GOLGB1: variants seen among roughly 807,000 people sequenced by gnomAD.
The protein encoded by GOLGB1 is golgin subfamily B member 1.
A neutral mutation model predicts 336.9 loss-of-function variants in GOLGB1; 174 were observed. The ratio of observed to expected loss-of-function variants is 0.52; its 90% CI spans 0.46 to 0.59. The LOEUF is 0.59. Ranked by LOEUF, GOLGB1 falls within the 20% of genes least tolerant of loss-of-function variation. The pLI, the probability that GOLGB1 is intolerant of heterozygous loss-of-function variation, is 0.00. For missense variants in GOLGB1, 3,331 were observed against 3,645.3 expected, an observed-to-expected ratio of 0.91 and a Z score of 2.22; for synonymous variants, 1,208 against 1,289.2, an observed-to-expected ratio of 0.94 and a Z score of 1.35.
Position 121,689,864 on chromosome 3 carries a change from T to C in GOLGB1, c.8694+806A>G, listed in dbSNP as rs558900507. On this transcript the variant is annotated intron_variant, in intron 14 of 21. Transcript: ENST00000614479. ...CAAGCCAAGAGTGGTGGCTCATGCC[T>C]GTAATCCCAGCTACTTGGGCGGCTG... Among the ~76,000 whole-genome samples the C allele has an allele frequency of 2.6e-5, 4 of 152,342 alleles. No homozygotes were observed. The East Asian group carries it at 7.7e-4, about 29-fold the overall frequency.
At chr3:121,733,905 TG>T (rs1946294527) in intron 1 of GOLGB1, among the ~76,000 whole-genome samples, 1 of 152,182 alleles carries the variant, frequency 6.6e-6, no homozygotes, top group African/African-American at 2.4e-5. Context: ...TATCTCAAAA[TG>T]GATCAGAGAC....
At chr3:121,671,491 G>C (rs1428350755) in intron 17 of GOLGB1, among the ~76,000 whole-genome samples, 1 of 152,028 alleles carries the variant, frequency 6.6e-6, no homozygotes, top group Non-Finnish European at 1.5e-5. Flanking sequence ...CAACCTCCCA[G>C]ATACTTAAAA....
At chr3:121,716,678 T>C in intron 9 of GOLGB1, 59 bp downstream of exon 9, 1 of 1,332,106 alleles carries the variant, frequency 7.5e-7, no homozygotes, top group Non-Finnish European at 1.0e-6. Context: ...CCTGAAAATA[T>C]GAAATACAAG....
In GOLGB1 at chr3:121,696,765, A is replaced by G. The variant is rs1241324108; in HGVS notation, c.3758T>C (p.Leu1253Pro). Residue 1253 changes from leucine (L) to proline (P), a missense_variant, in exon 13 of 22, where the codon CTC becomes CCC. Transcript: ENST00000614479. Reference sequence around the variant, plus strand: ...CGATTCCTGCTGGTCTGTGCTTGGGAGTTTTCCGTCTATGGATTCCCTTAC... The same window carrying G: ...CGATTCCTGCTGGTCTGTGCTTGGGGGTTTTCCGTCTATGGATTCCCTTAC... ...IQVRESIDGK[L>P]PSTDQQESCS... 2 of 1,614,026 alleles carry G rather than the reference A, an allele frequency of 1.2e-6. No individual in the cohort carries two copies. Among genetic ancestry groups the G allele is most frequent in the South Asian group, 2.2e-5 (2 of 91,082 alleles).
chr3:121,669,099 T>A, intron 18 of GOLGB1, 113 bp downstream of exon 18: 1 of 1,028,352 alleles, frequency 9.7e-7, no homozygotes. Context: ...CTCTCCCACT[T>A]TCTTCCCTGA....
At chr3:121,666,018 T>C (rs962921577) in intron 20 of GOLGB1, among the ~76,000 whole-genome samples, 1 of 152,228 alleles carries the variant, frequency 6.6e-6, no homozygotes, top group East Asian at 1.9e-4. Context: ...GTGATAAGCT[T>C]TTCAGAAGCA....
intron 5 of GOLGB1, among the ~76,000 whole-genome samples, chr3:121,724,563 A>C (rs1945423000): frequency 2.1e-5 from 1 of 47,854 alleles, no homozygotes; most frequent in East Asian, 9.2e-4. Context: ...AAAACAGAGC[A>C]AAAAAAAAAA....
rs915775045 is a variant in GOLGB1, at chr3:121,663,633, G to A, written c.*847C>T. 2 of 152,126 alleles carry A rather than the reference G, an allele frequency of 1.3e-5. No homozygotes were observed. Among genetic ancestry groups the A allele is most frequent in the Admixed American group, 6.5e-5 (1 of 15,274 alleles). 9.4% of individuals were successfully genotyped at this position (152,126 alleles called of 1,614,324 possible). On this transcript the variant is annotated 3_prime_UTR_variant, in exon 22 of 22. Coordinates refer to ENST00000614479, the MANE Select transcript of GOLGB1 (RefSeq NM_001366282.2). ...GTCAGACTCCTGGCTGAGAGTCAATGCCTAATATTGGCTCCCAGTGGCCCC... is the reference window on the plus strand; with the variant it reads ...GTCAGACTCCTGGCTGAGAGTCAATACCTAATATTGGCTCCCAGTGGCCCC...
intron 1 of GOLGB1, among the ~76,000 whole-genome samples, chr3:121,731,376 T>A (rs1218926514): frequency 6.6e-6 from 1 of 151,942 alleles, no homozygotes; most frequent in Non-Finnish European, 1.5e-5. Flanking sequence ...TTCTTTTTTT[T>A]TTTTTGAGAC....
chr3:121,685,372 T>C (rs1452457270), intron 14 of GOLGB1, among the ~76,000 whole-genome samples: 1 of 151,780 alleles, frequency 6.6e-6, no homozygotes, highest in Non-Finnish European at 1.5e-5. Flanking sequence ...CTGTCTCTAC[T>C]AAAAATACAA....
chr3:121,741,391 C>A (rs1044171590), intron 1 of GOLGB1, among the ~76,000 whole-genome samples: 4 of 151,848 alleles, frequency 2.6e-5, no homozygotes, highest in African/African-American at 4.8e-5. Flanking sequence ...GAAAAAAAAT[C>A]GGGAAGAATG....
chr3:121,742,189 A>G (rs1181259283), intron 1 of GOLGB1, among the ~76,000 whole-genome samples: 1 of 152,226 alleles, frequency 6.6e-6, no homozygotes, highest in East Asian at 1.9e-4. Flanking sequence ...ACAAAGCTGG[A>G]GGCATCACGC....
intron 2 of GOLGB1, among the ~76,000 whole-genome samples, chr3:121,730,559 A>G (rs1311675149): frequency 6.6e-6 from 1 of 152,212 alleles, no homozygotes; most frequent in Non-Finnish European, 1.5e-5. Flanking sequence ...CTCATTTGTC[A>G]CTTAGACCTT....
rs1942946101 is a variant in GOLGB1 at position 121,696,365 on chromosome 3, A to G, written c.4158T>C (p.Ile1386=). 6.2e-7 allele frequency: 1 copy of G among 1,614,040 alleles called. No homozygotes were observed. The highest frequency in any genetic ancestry group is 2.2e-5 in the East Asian group (1 of 44,896). The change falls in exon 13 of 22, where the codon ATT becomes ATC. Residue 1386 remains isoleucine (I), a synonymous_variant. Coordinates refer to ENST00000614479, the MANE Select transcript of GOLGB1 (RefSeq NM_001366282.2). ...ATTCTCTTAGATGTTCTAGGCCAGC[A>G]ATTTGTAGTTGGCTGCTTTCCAATT... ...QQKLESSQLQ[I]AGLEHLRELQ... is the part of the protein sequence containing the mutation.
intron 1 of GOLGB1, among the ~76,000 whole-genome samples, chr3:121,734,776 G>A (rs548456347): frequency 7.2e-5 from 11 of 152,226 alleles, no homozygotes; most frequent in Admixed American, 1.3e-4. Flanking sequence ...CAGCTACTTC[G>A]GAAAACTGTT....
rs1205623995 is a variant in GOLGB1, at chr3:121,719,658, T to C, written c.759A>G (p.Thr253=). 1 of 1,607,832 alleles carries C rather than the reference T, an allele frequency of 6.2e-7. No homozygotes were observed. The highest frequency in any genetic ancestry group is 8.5e-7 in the Non-Finnish European group (1 of 1,177,238). ...TTTAGCAACACACCTGTTGCATCTC[T>C]GTTTCCACATCTGCCTGGGTTACTA... ...LQLVTQADVE[T]EMQQKLRVLQ... The change falls in exon 7 of 22, where the codon ACA becomes ACG. Residue 253 remains threonine, a synonymous_variant. Transcript: ENST00000614479.
chr3:121,697,785 A>C lies in GOLGB1; in HGVS notation c.2738T>G (p.Phe913Cys). ...CTGAACCATTTTCTCAGTCATACTA[A>C]AGCTGATTTCTGTCACTTGTTGATC... is the stretch of plus-strand genomic sequence containing the variant. ...EKDQQVTEIS[F>C]SMTEKMVQLN... is the part of the protein sequence containing the mutation. Residue 913 changes from phenylalanine to cysteine, a missense_variant, in exon 13 of 22, where the codon TTT becomes TGT. By Grantham distance (205) the Phe-to-Cys change is radical. Transcript: ENST00000614479. 1 of 1,613,974 alleles carries C rather than the reference A, an allele frequency of 6.2e-7. No individual in the cohort carries two copies. Among genetic ancestry groups the C allele is most frequent in the African/African-American group, 1.3e-5 (1 of 75,010 alleles).
intron 3 of GOLGB1, 63 bp from the exon 4 acceptor site, chr3:121,729,403 A>G: frequency 1.6e-6 from 2 of 1,272,574 alleles, no homozygotes; most frequent in Non-Finnish European, 2.2e-6. Flanking sequence ...AGCACATACT[A>G]AAAGTTATTT....
chr3:121,694,540 A>G lies in GOLGB1; in HGVS notation c.5983T>C (p.Tyr1995His), dbSNP rs774585748. The G allele has an allele frequency of 1.2e-6, 2 of 1,612,600 alleles. No individual in the cohort carries two copies. Among genetic ancestry groups the G allele is most frequent in the East Asian group, 4.5e-5 (2 of 44,864 alleles). The change falls in exon 13 of 22, where the codon TAT becomes CAT. Residue 1995 changes from tyrosine to histidine, a missense_variant. Tyr to His is a moderately conservative substitution (Grantham distance 83). Coordinates refer to ENST00000614479, the MANE Select transcript of GOLGB1 (RefSeq NM_001366282.2). The part of the protein sequence containing the change: ...TKVESEIRKE[Y>H]LEKIQGAQKE... ...TGAGCACCTTGTATTTTCTCCAAAT[A>G]TTCCTTTCGTATTTCTGATTCCACC...
Sources: allele counts gnomAD v4.1 joint callset (sites outside exome capture counted in the v4.1 genomes callset), GRCh38; gene constraint gnomAD v4.1.1; transcripts MANE v1.5; gene names NCBI Gene and HGNC (gene_info 2026-07-23, HGNC 2026-07-21).